NARS2: variants seen among roughly 807,000 people sequenced by gnomAD.
The protein encoded by NARS2 is asparaginyl-tRNA synthetase.
A neutral mutation model predicts 62.9 loss-of-function variants in NARS2; 60 were observed. The ratio of observed to expected loss-of-function variants is 0.95; its 90% CI spans 0.77 to 1.18. The LOEUF (loss-of-function observed/expected upper bound fraction) is 1.18, where lower values mean the gene tolerates loss of function less well. Ranked by LOEUF, NARS2 falls within the 50% of genes most tolerant of loss-of-function variation. The probability of loss-of-function intolerance (pLI) is 0.00; values close to 1 mark genes in which losing one functional copy is unlikely to be tolerated. For missense variants in NARS2, 619 were observed against 576.4 expected (o/e 1.07, Z -0.76); for synonymous variants, 196 against 200.0 (o/e 0.98, Z 0.17).
At chr11:78,549,653 A>G (rs4565922) in intron 5 of NARS2, among the ~76,000 whole-genome samples, 98,602 of 152,086 alleles carry the variant, frequency 0.65, 35,381 homozygotes, top group Non-Finnish European at 0.82. Context: ...TGATTGGATC[A>G]GTTTGTGAAA....
chr11:78,545,771 T>C (rs367601687), intron 5 of NARS2, among the ~76,000 whole-genome samples: 1 of 152,026 alleles, frequency 6.6e-6, no homozygotes, highest in Non-Finnish European at 1.5e-5. Flanking sequence ...TGGCCTCAAG[T>C]GATATATACG....
intron 11 of NARS2, among the ~76,000 whole-genome samples, chr11:78,464,534 CAG>C (rs1858533763): frequency 6.6e-6 from 1 of 151,712 alleles, no homozygotes; most frequent in South Asian, 2.1e-4. Context: ...TAGCTAGATA[CAG>C]AGTGTCCACA....
At chr11:78,479,559 A>C (rs1286150267) in intron 7 of NARS2, among the ~76,000 whole-genome samples, 1 of 152,226 alleles carries the variant, frequency 6.6e-6, no homozygotes, top group African/African-American at 2.4e-5. Context: ...TAGGAGACTC[A>C]TAATAGAAGC....
At chr11:78,466,276 C>T (rs1019828768) in intron 10 of NARS2, among the ~76,000 whole-genome samples, 2 of 149,796 alleles carry the variant, frequency 1.3e-5, no homozygotes, top group Non-Finnish European at 3.0e-5. Context: ...CCACCCCCAC[C>T]CCCCAGGAGC....
At position 78,571,330 on chromosome 11, in the gene NARS2, C is replaced by T; in HGVS notation, c.251+5G>A. On this transcript the variant is annotated splice_donor_5th_base_variant and intron_variant, in intron 2 of 13. Transcript: ENST00000281038. ...CAAAGAATTCTTTTAAAAAACAAAA[C>T]TCACCTACTGTCAAGGCCTGAATCT... The T allele has an allele frequency of 6.3e-7, 1 of 1,594,746 alleles. No individual in the cohort carries two copies. The highest frequency in any genetic ancestry group is 8.6e-7 in the Non-Finnish European group (1 of 1,163,166).
intron 11 of NARS2, among the ~76,000 whole-genome samples, chr11:78,459,769 G>A (rs188426139): frequency 6.0e-4 from 91 of 151,986 alleles, no homozygotes; most frequent in Non-Finnish European, 9.7e-4. Flanking sequence ...GACTAACATG[G>A]AAGTCCTCAC....
chr11:78,450,664 G>C (rs1046323037), intron 11 of NARS2, among the ~76,000 whole-genome samples: 6 of 123,178 alleles, frequency 4.9e-5, no homozygotes, highest in African/African-American at 1.9e-4. Flanking sequence ...CAAAAGCCTT[G>C]TCTTTTTTTT....
chr11:78,441,535 A>T (rs1857576363), intron 12 of NARS2, among the ~76,000 whole-genome samples: 1 of 152,038 alleles, frequency 6.6e-6, no homozygotes, highest in Non-Finnish European at 1.5e-5. Context: ...ACATGGTGAA[A>T]CCCCATCTCT....
chr11:78,504,069 T>C (rs1274840677), intron 6 of NARS2, among the ~76,000 whole-genome samples: 2 of 152,230 alleles, frequency 1.3e-5, no homozygotes, highest in Non-Finnish European at 2.9e-5. Flanking sequence ...CATCAAATCA[T>C]ACATATATTT....
chr11:78,571,615 T>C lies in NARS2; in HGVS notation c.142-171A>G, dbSNP rs188862554. ...TTAATTTTATATGTTCCAATCACAA[T>C]AGGATACACACTTTGGTATTCTATC... On this transcript the variant is annotated intron_variant, in intron 1 of 13. Coordinates refer to ENST00000281038, the MANE Select transcript of NARS2 (RefSeq NM_024678.6). 6.1e-5 allele frequency: 33 copies of C among 542,676 alleles called. No individual in the cohort carries two copies. The Admixed American group carries it at 7.8e-4, about 13-fold the overall frequency. The allele number at this position is 542,676 out of a possible 1,614,324, so 33.6% of individuals were successfully genotyped here.
intron 6 of NARS2, among the ~76,000 whole-genome samples, chr11:78,523,805 G>A (rs1418353505): frequency 1.3e-5 from 2 of 152,092 alleles, no homozygotes; most frequent in African/African-American, 2.4e-5. Context: ...GTTGCCCAGG[G>A]GTGGGGGCAA....
At chr11:78,563,842 AAAAAAAAAAATAT>A (rs1368146917) in intron 4 of NARS2, among the ~76,000 whole-genome samples, 1 of 68,642 alleles carries the variant, frequency 1.5e-5, no homozygotes. Context: ...AAAAAAAAAA[AAAAAAAAAAATAT>A]ATATATATAT....
chr11:78,531,272 T>C (rs765441374), intron 5 of NARS2, among the ~76,000 whole-genome samples: 5 of 151,926 alleles, frequency 3.3e-5, no homozygotes, highest in Non-Finnish European at 7.4e-5. Context: ...CAGCAGAATA[T>C]ACGTTTTTTT....
At chr11:78,451,627 G>A (rs58654811) in intron 11 of NARS2, among the ~76,000 whole-genome samples, 2,449 of 152,178 alleles carry the variant, frequency 0.016, 56 homozygotes, top group African/African-American at 0.056. Flanking sequence ...AAAGACAGGA[G>A]GAATTAACTT....
At chr11:78,542,943 G>C (rs1035598476) in intron 5 of NARS2, among the ~76,000 whole-genome samples, 1 of 152,186 alleles carries the variant, frequency 6.6e-6, no homozygotes, top group Non-Finnish European at 1.5e-5. Flanking sequence ...TCTTGCAGTT[G>C]CTGCAAGGAG....
At chr11:78,444,727 CA>C (rs1391489970) in intron 11 of NARS2, among the ~76,000 whole-genome samples, 123 of 92,360 alleles carry the variant, frequency 1.3e-3, no homozygotes, top group Non-Finnish European at 1.7e-3. Context: ...TCAAACAAAA[CA>C]AAAAAAAAAA....
intron 11 of NARS2, 158 bp from the exon 12 acceptor site, chr11:78,443,916 C>G (rs1031095177): frequency 8.3e-5 from 47 of 567,676 alleles, no homozygotes; most frequent in South Asian, 1.5e-4. Context: ...AATTTCCTCT[C>G]TCTTGCACCA....
At chr11:78,488,912 A>T (rs1859692607) in intron 7 of NARS2, among the ~76,000 whole-genome samples, 1 of 152,158 alleles carries the variant, frequency 6.6e-6, no homozygotes, top group Admixed American at 6.6e-5. Flanking sequence ...GTAGAAAGGA[A>T]AGGGGAAAGA....
intron 11 of NARS2, among the ~76,000 whole-genome samples, chr11:78,458,750 A>G (rs1345758744): frequency 6.6e-6 from 1 of 152,210 alleles, no homozygotes; most frequent in Non-Finnish European, 1.5e-5. Flanking sequence ...GATGAATGAA[A>G]AAGAAGTTGA....
Sources: allele counts gnomAD v4.1 joint callset (sites outside exome capture counted in the v4.1 genomes callset), GRCh38; gene constraint gnomAD v4.1.1; transcripts MANE v1.5; gene names NCBI Gene and HGNC (gene_info 2026-07-23, HGNC 2026-07-21).